The following GUCY1A2 variants were observed in gnomAD, a reference collection of about 807,000 sequenced individuals.
GUCY1A2 encodes guanylate cyclase soluble subunit alpha-2.
A neutral mutation model predicts 63.5 loss-of-function variants in GUCY1A2; 27 were observed. That is an observed-to-expected ratio of 0.43 (90% CI 0.31 to 0.59). The LOEUF is 0.59. Among genes scored for constraint, GUCY1A2 ranks in the 20% least tolerant of loss-of-function variants. The pLI is 0.11. For missense variants in GUCY1A2, 768 were observed against 913.3 expected (o/e 0.84, Z 2.05); for synonymous variants, 364 against 343.5 (o/e 1.06, Z -0.66).
chr11:106,926,929 A>C (rs1024319154), intron 4 of GUCY1A2, among the ~76,000 whole-genome samples: 3 of 150,276 alleles, frequency 2.0e-5, no homozygotes, highest in African/African-American at 7.3e-5. Context: ...TTGAATCTTC[A>C]CCACTAAATA....
At chr11:106,744,005 G>A (rs938680397) in intron 6 of GUCY1A2, among the ~76,000 whole-genome samples, 9 of 152,114 alleles carry the variant, frequency 5.9e-5, no homozygotes, top group African/African-American at 2.2e-4. Flanking sequence ...TTCTAATTTA[G>A]AAACTAGCTC....
intron 4 of GUCY1A2, among the ~76,000 whole-genome samples, chr11:106,927,512 A>G (rs1446206219): frequency 6.6e-6 from 1 of 152,146 alleles, no homozygotes; most frequent in Non-Finnish European, 1.5e-5. Flanking sequence ...GAATGTAAAC[A>G]TTGTACATAA....
intron 4 of GUCY1A2, among the ~76,000 whole-genome samples, chr11:106,894,429 C>T (rs1860018140): frequency 1.3e-5 from 2 of 152,106 alleles, no homozygotes. Context: ...CAGTTGAATT[C>T]AACAACATCA....
chr11:106,888,186 C>T (rs1415365005), intron 4 of GUCY1A2, among the ~76,000 whole-genome samples: 6 of 151,960 alleles, frequency 3.9e-5, no homozygotes, highest in Admixed American at 6.6e-5. Context: ...AGGCCGGGCA[C>T]GGTGGCTCAC....
At chr11:106,836,005 T>C (rs564138216) in intron 4 of GUCY1A2, among the ~76,000 whole-genome samples, 45 of 152,078 alleles carry the variant, frequency 3.0e-4, no homozygotes, top group Non-Finnish European at 6.2e-4. Flanking sequence ...TGTAGTATGC[T>C]ATCTTTTACA....
At chr11:106,855,477 C>T (rs528589640) in intron 4 of GUCY1A2, among the ~76,000 whole-genome samples, 1 of 151,710 alleles carries the variant, frequency 6.6e-6, no homozygotes, top group Admixed American at 6.6e-5. Context: ...TGTTTTGGTC[C>T]TTTTTTTTGT....
At chr11:106,896,996 T>C (rs756404479) in intron 4 of GUCY1A2, among the ~76,000 whole-genome samples, 2 of 152,162 alleles carry the variant, frequency 1.3e-5, no homozygotes, top group Non-Finnish European at 2.9e-5. Context: ...AAAATGATTA[T>C]AGCAAAATTT....
intron 3 of GUCY1A2, among the ~76,000 whole-genome samples, chr11:106,961,967 C>CT: frequency 1.3e-5 from 2 of 152,314 alleles, no homozygotes; most frequent in South Asian, 4.1e-4. Flanking sequence ...GAGCTGACTA[C>CT]TAACATCCCT....
At chr11:106,920,239 G>A (rs1276444318) in intron 4 of GUCY1A2, among the ~76,000 whole-genome samples, 5 of 151,916 alleles carry the variant, frequency 3.3e-5, no homozygotes, top group African/African-American at 7.3e-5. Flanking sequence ...GCAGAACTGG[G>A]AAGAAAGTGA....
chr11:106,863,407 ATTGT>A (rs1251447730), intron 4 of GUCY1A2, among the ~76,000 whole-genome samples: 3 of 151,978 alleles, frequency 2.0e-5, no homozygotes, highest in African/African-American at 7.3e-5. Context: ...TCCTTTTCCC[ATTGT>A]TTGTTTTTGT....
At chr11:106,737,481 G>A (rs187502006) in intron 6 of GUCY1A2, among the ~76,000 whole-genome samples, 9 of 152,100 alleles carry the variant, frequency 5.9e-5, no homozygotes, top group Non-Finnish European at 1.2e-4. Flanking sequence ...CACGTGCCAT[G>A]GTGGTTTGCT....
chr11:106,930,270 T>A (rs1361799790), intron 4 of GUCY1A2, among the ~76,000 whole-genome samples: 2 of 152,180 alleles, frequency 1.3e-5, no homozygotes, highest in Non-Finnish European at 2.9e-5. Context: ...GTTAACTTGC[T>A]CAAGGTTACC....
At chr11:106,697,900 C>G (rs540133816) in intron 7 of GUCY1A2, among the ~76,000 whole-genome samples, 29 of 152,068 alleles carry the variant, frequency 1.9e-4, no homozygotes, top group Admixed American at 2.0e-4. Context: ...TAGTTCATGA[C>G]TGTACCTTAG....
At chr11:106,780,527 C>T (rs779078256) in intron 5 of GUCY1A2, among the ~76,000 whole-genome samples, 4 of 152,154 alleles carry the variant, frequency 2.6e-5, no homozygotes, top group Non-Finnish European at 4.4e-5. Context: ...ACCTCCACGT[C>T]GGGAACTAGT....
intron 6 of GUCY1A2, among the ~76,000 whole-genome samples, chr11:106,757,852 G>T (rs772534160): frequency 2.0e-5 from 3 of 152,242 alleles, no homozygotes; most frequent in Non-Finnish European, 4.4e-5. Flanking sequence ...TGAGGAGACA[G>T]TCTGTCTGTT....
chr11:106,844,247 C>A (rs1293738194), intron 4 of GUCY1A2, among the ~76,000 whole-genome samples: 1 of 151,762 alleles, frequency 6.6e-6, no homozygotes, highest in Admixed American at 6.6e-5. Context: ...TGCTGTCTGC[C>A]ATTCTGCTTA....
chr11:106,986,763 T>G (rs1454077640), intron 1 of GUCY1A2, among the ~76,000 whole-genome samples: 1 of 152,174 alleles, frequency 6.6e-6, no homozygotes, highest in Non-Finnish European at 1.5e-5. Flanking sequence ...GCAGTCAGCC[T>G]GACTTCCTCC....
intron 7 of GUCY1A2, among the ~76,000 whole-genome samples, chr11:106,698,096 T>G (rs1449476159): frequency 6.6e-6 from 1 of 150,674 alleles, no homozygotes; most frequent in Non-Finnish European, 1.5e-5. Flanking sequence ...AAAATAAATT[T>G]ACAGCTTTCA....
intron 4 of GUCY1A2, among the ~76,000 whole-genome samples, chr11:106,853,433 T>G (rs991890401): frequency 1.3e-5 from 2 of 152,062 alleles, no homozygotes; most frequent in African/African-American, 4.8e-5. Flanking sequence ...CTTGATCTAG[T>G]CTACTGTTGA....
Sources: allele counts gnomAD v4.1 joint callset (sites outside exome capture counted in the v4.1 genomes callset), GRCh38; gene constraint gnomAD v4.1.1; transcripts MANE v1.5; gene names NCBI Gene and HGNC (gene_info 2026-07-23, HGNC 2026-07-21).